Variants in TPO observed in about 807,000 individuals in gnomAD.
TPO encodes the protein thyroid peroxidase.
Under a neutral mutation model 96.9 loss-of-function variants are expected in TPO, and 78 were observed. The observed-to-expected ratio is 0.81, with a 90% CI of 0.67 to 0.97. The LOEUF is 0.97. Among genes scored for constraint, TPO ranks in the 50% least tolerant of loss-of-function variants. TPO has a pLI of 0.00. For synonymous variants in TPO, 547 were observed against 538.0 expected (o/e 1.02, Z -0.23); for missense variants, 1,252 against 1,274.8 (o/e 0.98, Z 0.27).
At chr2:1,536,096 T>C (rs1383003103) in intron 15 of TPO, among the ~76,000 whole-genome samples, 11 of 12,136 alleles carry the variant, frequency 9.1e-4, no homozygotes, top group Admixed American at 1.4e-3. Context: ...TGTGCAACCT[T>C]CCCAAATCCC....
intron 9 of TPO, 112 bp from the exon 10 acceptor site, chr2:1,487,709 T>C (rs1037681322): frequency 1.6e-5 from 23 of 1,414,646 alleles, no homozygotes; most frequent in Admixed American, 8.0e-5. Flanking sequence ...CACTCCAGCC[T>C]GGGCAACAGA....
intron 1 of TPO, among the ~76,000 whole-genome samples, chr2:1,386,360 T>C (rs914763745): frequency 6.6e-6 from 1 of 152,214 alleles, no homozygotes; most frequent in African/African-American, 2.4e-5. Context: ...AGTCTCTTTG[T>C]AGGTCTCTAA....
intron 3 of TPO, among the ~76,000 whole-genome samples, chr2:1,430,300 A>G (rs2148477228): frequency 6.6e-6 from 1 of 152,342 alleles, no homozygotes; most frequent in South Asian, 2.1e-4. Context: ...GTAAGTGTCT[A>G]TAGCTTTCAC....
intron 1 of TPO, among the ~76,000 whole-genome samples, chr2:1,397,184 G>A (rs1662094972): frequency 6.6e-6 from 1 of 152,180 alleles, no homozygotes; most frequent in Non-Finnish European, 1.5e-5. Flanking sequence ...ACATACAGGA[G>A]CCTCAGCTGA....
chr2:1,501,010 G>A (rs528155889), intron 13 of TPO, among the ~76,000 whole-genome samples: 1 of 151,570 alleles, frequency 6.6e-6, no homozygotes, highest in Admixed American at 6.6e-5. Flanking sequence ...ATTGCAGTGA[G>A]TCTCCTCTGA....
In TPO at chr2:1,537,503, TC is replaced by T. The variant is rs146740419; in HGVS notation, c.2619-3085del. On this transcript the variant is annotated intron_variant, in intron 15 of 16. Coordinates refer to ENST00000329066, the MANE Select transcript of TPO (RefSeq NM_001206744.2). ...TTCCACTCTGTGCAGCCTCCCCAAA[TC>T]CCCCCAACTCTGTGCAACCTCCGCC... is the stretch of plus-strand genomic sequence containing the variant. 8.7e-4 allele frequency among the ~76,000 whole-genome samples: 51 copies of T among 58,776 alleles called. 7 individuals carry two copies. The highest frequency in any genetic ancestry group is 2.8e-3 in the South Asian group (3 of 1,068). The allele number at this position is 58,776 out of a possible 152,430, so 38.6% of individuals were successfully genotyped here.
intron 8 of TPO, among the ~76,000 whole-genome samples, chr2:1,483,096 G>A (rs1468415626): frequency 6.6e-6 from 1 of 152,222 alleles, no homozygotes; most frequent in Admixed American, 6.5e-5. Context: ...GGATGTTTCA[G>A]ATCAGATGAG....
intron 7 of TPO, among the ~76,000 whole-genome samples, chr2:1,475,639 G>T (rs889358684): frequency 6.6e-6 from 1 of 152,010 alleles, no homozygotes; most frequent in Non-Finnish European, 1.5e-5. Flanking sequence ...TAGCCAGGAT[G>T]GTCTCGATCT....
chr2:1,504,104 G>A (rs748402943), intron 14 of TPO, 25 bp downstream of exon 14: 1 of 1,613,444 alleles, frequency 6.2e-7, no homozygotes, highest in African/African-American at 1.3e-5. Context: ...CTCTCTCTCT[G>A]TCCGTCCATT....
At chr2:1,408,807 T>C (rs1425293113), upstream of TPO, among the ~76,000 whole-genome samples, 1 of 152,228 alleles carries the variant, frequency 6.6e-6, no homozygotes, top group Admixed American at 6.5e-5. Context: ...GAAGCATCCA[T>C]CAGCAATTTA....
At chr2:1,451,284 C>G (rs533998896) in intron 5 of TPO, among the ~76,000 whole-genome samples, 2 of 152,152 alleles carry the variant, frequency 1.3e-5, no homozygotes, top group African/African-American at 4.8e-5. Context: ...TTAGTAGAAC[C>G]TTAGTCCTTT....
chr2:1,504,927 G>T (rs1022245982), intron 14 of TPO, among the ~76,000 whole-genome samples: 1 of 152,172 alleles, frequency 6.6e-6, no homozygotes, highest in Non-Finnish European at 1.5e-5. Flanking sequence ...AGAACCAAGT[G>T]CAAGGCTCAA....
intron 1 of TPO, among the ~76,000 whole-genome samples, chr2:1,402,406 A>G (rs1486605072): frequency 1.3e-5 from 2 of 152,202 alleles, no homozygotes; most frequent in Non-Finnish European, 2.9e-5. Flanking sequence ...AGACGGGAGC[A>G]CAGAGCAAGC....
At chr2:1,523,589 CA>C (rs1399238081) in intron 15 of TPO, among the ~76,000 whole-genome samples, 30 of 146,590 alleles carry the variant, frequency 2.0e-4, no homozygotes, top group Non-Finnish European at 3.0e-4. Context: ...CCAAATCCCC[CA>C]CACTGTGTGC....
chr2:1,480,824 C>CCACACCACCTCCCT (rs1558339135), intron 8 of TPO, among the ~76,000 whole-genome samples: 1 of 133,754 alleles, frequency 7.5e-6, no homozygotes, highest in Non-Finnish European at 1.7e-5. Flanking sequence ...CACACCACGT[C>CCACACCACCTCCCT]CCTGCTGCTG....
At chr2:1,498,882 C>A (rs1471691416) in intron 13 of TPO, among the ~76,000 whole-genome samples, 1 of 152,146 alleles carries the variant, frequency 6.6e-6, no homozygotes, top group Non-Finnish European at 1.5e-5. Context: ...CTTGAAACGG[C>A]CACTTCACTC....
At chr2:1,525,751 C>A (rs577917733) in intron 15 of TPO, among the ~76,000 whole-genome samples, 6 of 134,982 alleles carry the variant, frequency 4.4e-5, no homozygotes, top group Non-Finnish European at 9.6e-5. Context: ...CAAATCTCAC[C>A]CCACTGTGGG....
chr2:1,429,331 T>C (rs1217059981), intron 3 of TPO, among the ~76,000 whole-genome samples: 1 of 152,206 alleles, frequency 6.6e-6, no homozygotes, highest in Non-Finnish European at 1.5e-5. Flanking sequence ...GCCATGCTTA[T>C]ATAGCCAGAA....
intron 15 of TPO, among the ~76,000 whole-genome samples, chr2:1,523,166 T>G (rs1675558864): frequency 1.5e-5 from 2 of 133,738 alleles, no homozygotes; most frequent in Non-Finnish European, 3.1e-5. Context: ...TCCCCCACAC[T>G]GTGTGCAACC....
Sources: gnomAD v4.1 joint callset for allele counts (sites outside exome capture counted in the v4.1 genomes callset) on GRCh38, gnomAD v4.1.1 for gene constraint, MANE v1.5 for transcripts, NCBI Gene and HGNC (gene_info 2026-07-23, HGNC 2026-07-21) for gene names.